USP54: variants seen among roughly 807,000 people sequenced by gnomAD.
USP54 encodes the protein ubiquitin specific peptidase 54.
Under a neutral mutation model 170.5 loss-of-function variants are expected in USP54, and 87 were observed. That is an observed-to-expected ratio of 0.51 (90% CI 0.43 to 0.61). USP54 has a LOEUF of 0.61. Ranked by LOEUF, USP54 falls within the 20% of genes least tolerant of loss-of-function variation. The pLI is 0.00. For missense variants in USP54, 1,786 were observed against 2,047.8 expected (o/e 0.87, Z 2.47); for synonymous variants, 655 against 742.8 (o/e 0.88, Z 1.92).
At chr10:73,560,343 G>C (rs2072541005) in intron 4 of USP54, among the ~76,000 whole-genome samples, 1 of 151,622 alleles carries the variant, frequency 6.6e-6, no homozygotes, top group Non-Finnish European at 1.5e-5. Flanking sequence ...CTTACCAAAT[G>C]AGAAAGGCCT....
chr10:73,515,778 ATTCT>A (rs1391474701), intron 20 of USP54: 1 of 144,870 alleles, frequency 6.9e-6, no homozygotes, highest in African/African-American at 2.6e-5. Context: ...CCTATGAACC[ATTCT>A]TTTTTTTTTT....
chr10:73,588,329 C>T (rs1297294926), intron 1 of USP54, among the ~76,000 whole-genome samples: 3 of 152,186 alleles, frequency 2.0e-5, no homozygotes, highest in African/African-American at 7.2e-5. Flanking sequence ...AAGCAATTCT[C>T]CTGTCTCAGC....
At chr10:73,523,895 AT>A (rs2062385355) in intron 16 of USP54, 145 bp from the exon 17 acceptor site, 1 of 235,254 alleles carries the variant, frequency 4.3e-6, no homozygotes, top group Admixed American at 6.1e-5. Context: ...TATTATTATT[AT>A]TATTATTATT....
Position 73,530,327 on chromosome 10 carries a change from C to CAGGG in USP54, c.1640_1643dup (p.Leu550AlafsTer6). 1 of 1,614,082 alleles carries CAGGG rather than the reference C, an allele frequency of 6.2e-7. No individual in the cohort carries two copies. The highest frequency in any genetic ancestry group is 2.2e-5 in the East Asian group (1 of 44,878). On this transcript the variant is annotated frameshift_variant, in exon 14 of 24. Transcript: ENST00000687698. LOFTEE classifies it high-confidence loss of function. ...TTTCCCAGTCACGAGAGTGTAAAGG[C>CAGGG]AGGGTCCTAGGAGGTTTTTTGTCAG...
At chr10:73,591,101 G>C (rs945635250) in intron 1 of USP54, among the ~76,000 whole-genome samples, 177 bp downstream of exon 1, 1 of 151,814 alleles carries the variant, frequency 6.6e-6, no homozygotes, top group South Asian at 2.1e-4. Context: ...GATGCCTCTT[G>C]AAAGTTGAGA....
intron 4 of USP54, among the ~76,000 whole-genome samples, chr10:73,570,536 C>G (rs189405503): frequency 6.7e-6 from 1 of 149,424 alleles, no homozygotes; most frequent in Non-Finnish European, 1.5e-5. Flanking sequence ...TGGCATTACT[C>G]TCTTTTCCTT....
At chr10:73,538,164 C>T (rs969631420) in intron 10 of USP54, 9 of 151,950 alleles carry the variant, frequency 5.9e-5, no homozygotes, top group Admixed American at 5.9e-4. Flanking sequence ...GAGATCGCGC[C>T]CCTACACCCC....
At chr10:73,592,847 G>C (rs1368202781), upstream of USP54, among the ~76,000 whole-genome samples, 1 of 152,146 alleles carries the variant, frequency 6.6e-6, no homozygotes, top group African/African-American at 2.4e-5. Context: ...TCTCTCCAGA[G>C]GCCCCTCAGA....
Position 73,516,061 on chromosome 10 carries a change from A to C in USP54, c.4051+314T>G, listed in dbSNP as rs575622855. 6.9e-5 allele frequency: 15 copies of C among 218,018 alleles called. No homozygotes were observed. In the Admixed American group the frequency reaches 7.2e-4, roughly 11 times the overall value. The allele number at this position is 218,018 out of a possible 1,614,324, so 13.5% of individuals were successfully genotyped here. A position where few individuals can be genotyped will look rare whatever the true frequency, so the allele number is the denominator to read the frequency against. ...CCTCCCAAAGTGCTGGGATTACAGG[A>C]GTGAGCCACCGTGCCCGGCCCTGAA... On this transcript the variant is annotated intron_variant, in intron 20 of 23. Transcript: ENST00000687698.
chr10:73,523,437 C>T, intron 17 of USP54, 146 bp downstream of exon 17: 1 of 986,100 alleles, frequency 1.0e-6, no homozygotes, highest in Non-Finnish European at 1.5e-6. Flanking sequence ...ACATCCTACT[C>T]TAACTTGTTC....
At chr10:73,603,053 TA>T (rs1260788555) in intron 1 of USP54, among the ~76,000 whole-genome samples, 6 of 152,022 alleles carry the variant, frequency 3.9e-5, no homozygotes, top group African/African-American at 1.4e-4. Context: ...CCACCCTAAT[TA>T]GCCTTCCCCA....
chr10:73,610,600 G>C (rs983727350), intron 1 of USP54, among the ~76,000 whole-genome samples: 1 of 151,906 alleles, frequency 6.6e-6, no homozygotes, highest in African/African-American at 2.4e-5. Flanking sequence ...CTGCAGCCTG[G>C]ACCACTGAGC....
chr10:73,605,311 A>G (rs1049439703), intron 1 of USP54, among the ~76,000 whole-genome samples: 1 of 152,008 alleles, frequency 6.6e-6, no homozygotes, highest in Admixed American at 6.6e-5. Context: ...TGATCCGCCC[A>G]CCTTGGCCTC....
Position 73,498,850 on chromosome 10 carries a change from C to T in USP54, c.4834G>A (p.Val1612Ile). 6.3e-7 allele frequency: 1 copy of T among 1,577,960 alleles called. No individual in the cohort carries two copies. The highest frequency in any genetic ancestry group is 1.7e-5 in the Admixed American group (1 of 58,626). The change falls in exon 24 of 24, where the codon GTA (valine) becomes ATA (isoleucine). Residue 1612 changes from valine (V) to isoleucine (I), a missense_variant. Around this residue, in one of 3 missense-constraint regions of USP54, gnomAD observed 1,418 missense variants for 1,569.0 expected, o/e 0.90. Coordinates refer to ENST00000687698, the MANE Select transcript of USP54 (RefSeq NM_001391956.1). ...GAATTCCAAGCTGACCTCAGGGGTA[C>T]ATGAAGACTGCTAGATGGTGGGTAC... ...PVYPPSSSLH[V>I]PLRSAWNSDP...
In USP54 at chr10:73,530,186, C is replaced by T; in HGVS notation, c.1785G>A (p.Lys595=). ...IDSIFSKDKR[K]HCGYTQLSPF... ...GGCTAAGCTGGGTATAGCCACAGTG[C>T]TTCCTTTTGTCCTTACTAAAGATAC... Residue 595 remains lysine, a synonymous_variant, in exon 14 of 24, where the codon AAG becomes AAA. Coordinates refer to ENST00000687698, the MANE Select transcript of USP54 (RefSeq NM_001391956.1). 1.2e-6 allele frequency: 2 copies of T among 1,613,900 alleles called. No individual in the cohort carries two copies. The highest frequency in any genetic ancestry group is 1.7e-6 in the Non-Finnish European group (2 of 1,180,010).
chr10:73,506,597 T>C (rs987918428), intron 20 of USP54: 3 of 152,184 alleles, frequency 2.0e-5, no homozygotes, highest in African/African-American at 7.2e-5. Flanking sequence ...GACCAGTTAT[T>C]TTCAGTATTC....
At chr10:73,601,104 TTAAAG>T (rs1003374872) in intron 1 of USP54, among the ~76,000 whole-genome samples, 51 of 152,282 alleles carry the variant, frequency 3.3e-4, no homozygotes, top group African/African-American at 1.2e-3. Context: ...AGAACCTTAC[TTAAAG>T]TGAATAGGAA....
chr10:73,585,955 G>T (rs2077434068), intron 1 of USP54, among the ~76,000 whole-genome samples: 1 of 152,004 alleles, frequency 6.6e-6, no homozygotes, highest in South Asian at 2.1e-4. Context: ...AGGTTGCAGT[G>T]AGCCAAGATC....
intron 15 of USP54, among the ~76,000 whole-genome samples, chr10:73,528,185 C>T (rs954330993): frequency 9.9e-5 from 15 of 152,008 alleles, no homozygotes; most frequent in African/African-American, 3.4e-4. Context: ...CCACCCAGCT[C>T]GGCCTCCCAA....
Sources: allele counts gnomAD v4.1 joint callset (sites outside exome capture counted in the v4.1 genomes callset), GRCh38; gene constraint gnomAD v4.1.1; regional missense constraint gnomAD v4.1.1; transcripts MANE v1.5; gene names NCBI Gene and HGNC (gene_info 2026-07-23, HGNC 2026-07-21).